The following REX1BD variants were observed in gnomAD, a reference collection of about 807,000 sequenced individuals.
REX1BD encodes required for excision 1-B domain-containing protein.
REX1BD carries 22 observed loss-of-function variants against 24.4 expected under a neutral mutation model. The ratio of observed to expected loss-of-function variants is 0.90; its 90% confidence interval spans 0.64 to 1.29. The LOEUF (loss-of-function observed/expected upper bound fraction) is 1.29, where lower values mean the gene tolerates loss of function less well. Among genes scored for constraint, REX1BD ranks in the 50% most tolerant of loss-of-function variants. REX1BD has a pLI of 0.00. For synonymous variants in REX1BD, 146 were observed against 125.9 expected, an observed-to-expected ratio of 1.16 and a Z score of -1.07; for missense variants, 293 against 285.3, an observed-to-expected ratio of 1.03 and a Z score of -0.19.
At position 18,589,637 on chromosome 19, in the gene REX1BD, G is replaced by A; in HGVS notation, c.407G>A (p.Gly136Asp). Reference sequence around the variant, plus strand: ...CCTCGCAGGCAGCCGCTGCTCGCCGGCCACGTGCGCAGCCTGCAGGAGCTG... The same window carrying A: ...CCTCGCAGGCAGCCGCTGCTCGCCGACCACGTGCGCAGCCTGCAGGAGCTG... ...GGPRRQPLLA[G>D]HVRSLQELEQ... Residue 136 changes from glycine to aspartate, a missense_variant, in exon 3 of 5, where the codon GGC becomes GAC. Coordinates refer to ENST00000358607, the MANE Select transcript of REX1BD (RefSeq NM_001100418.2). 2 of 1,515,292 alleles carry A rather than the reference G, an allele frequency of 1.3e-6. No homozygotes were observed. Among genetic ancestry groups the A allele is most frequent in the East Asian group, 2.5e-5 (1 of 40,612 alleles). The allele number at this position is 1,515,292 out of a possible 1,614,324, so 93.9% of individuals were successfully genotyped here.
In REX1BD at chr19:18,588,962, C is replaced by T. The variant is rs971913582; in HGVS notation, c.100-33C>T. ...GGCGGCGCAGACCCAGGGGCGCGGGCTTCATGCCCCAGCCGTGCCCCCTGT... is the reference window on the plus strand; with the variant it reads ...GGCGGCGCAGACCCAGGGGCGCGGGTTTCATGCCCCAGCCGTGCCCCCTGT... On this transcript the variant is annotated intron_variant, in intron 1 of 4. Transcript: ENST00000358607. 9.8e-6 allele frequency: 15 copies of T among 1,523,828 alleles called. No individual in the cohort carries two copies. In the East Asian group the frequency reaches 3.5e-4, roughly 35 times the overall value. The allele number at this position is 1,523,828 out of a possible 1,614,324, so 94.4% of individuals were successfully genotyped here. A position where few individuals can be genotyped will look rare whatever the true frequency, so the allele number is the denominator to read the frequency against.
At chr19:18,590,621 C>CCCAGGCCACGCCCACATCGCGCT in intron 3 of REX1BD, 1 of 481,120 alleles carries the variant, frequency 2.1e-6, no homozygotes, top group Non-Finnish European at 3.7e-6. Context: ...CACTGTTGTT[C>CCCAGGCCACGCCCACATCGCGCT]CCAGGCCACG....
Position 18,589,424 on chromosome 19 carries a change from C to T in REX1BD, c.194C>T (p.Pro65Leu), listed in dbSNP as rs749700292. Residue 65 changes from proline (P) to leucine (L), a missense_variant, in exon 3 of 5, where the codon CCG (proline) becomes CTG (leucine). Coordinates refer to ENST00000358607, the MANE Select transcript of REX1BD (RefSeq NM_001100418.2). ...TGGGGGCCTTTCAGGTGGTTGGCGCCGGTGCAGGGCCTGAGAGCCTGGGGG... is the reference window on the plus strand; with the variant it reads ...TGGGGGCCTTTCAGGTGGTTGGCGCTGGTGCAGGGCCTGAGAGCCTGGGGG... The part of the protein sequence containing the change: ...GFRRLEEWLA[P>L]VQGLRAWGRG... 1.3e-6 allele frequency: 2 copies of T among 1,559,974 alleles called. No individual in the cohort carries two copies. The highest frequency in any genetic ancestry group is 1.2e-5 in the South Asian group (1 of 84,834).
rs1039565738 is a variant in REX1BD, at chr19:18,590,863, C to T, written c.463C>T (p.Leu155=). 1.2e-6 allele frequency: 2 copies of T among 1,605,812 alleles called. No homozygotes were observed. ...CTCATTCCCCCACCAGGTGGCCCTG[C>T]TGCAGTTGATGGAGACGCCAGAGCT... ...EQTRLGTVAL[L]QLMETPELAG... Residue 155 remains leucine, a synonymous_variant, in exon 4 of 5, where the codon CTG becomes TTG. Transcript: ENST00000358607.
rs1487520881 is a variant in REX1BD at position 18,589,004 on chromosome 19, C to T, written c.109C>T (p.Pro37Ser). ...EEPAWPWKDA[P>S]IRTLVQRIHQ... ...GCCCCCTGTCCCGCAGAAAGACGCCCCGATCCGGACGCTGGTGCAGCGCAT... is the reference window on the plus strand; with the variant it reads ...GCCCCCTGTCCCGCAGAAAGACGCCTCGATCCGGACGCTGGTGCAGCGCAT... Residue 37 changes from proline to serine, a missense_variant, in exon 2 of 5, where the codon CCG becomes TCG. Physicochemically the swap from Pro to Ser is moderately conservative, Grantham distance 74. Coordinates refer to ENST00000358607, the MANE Select transcript of REX1BD (RefSeq NM_001100418.2). The T allele has an allele frequency of 3.3e-6, 5 of 1,527,924 alleles. No homozygotes were observed. Among genetic ancestry groups the T allele is most frequent in the Non-Finnish European group, 4.4e-6 (5 of 1,143,920 alleles). 94.6% of individuals were successfully genotyped at this position (1,527,924 alleles called of 1,614,324 possible). A position where few individuals can be genotyped will look rare whatever the true frequency, so the allele number is the denominator to read the frequency against.
intron 4 of REX1BD, 107 bp downstream of exon 4, chr19:18,591,040 C>T: frequency 3.8e-6 from 4 of 1,060,966 alleles, no homozygotes; most frequent in Non-Finnish European, 5.2e-6. Context: ...CAATGGTGTT[C>T]TCACCTGGTG....
chr19:18,590,959 G>A, intron 4 of REX1BD, 26 bp downstream of exon 4: 3 of 1,503,202 alleles, frequency 2.0e-6, no homozygotes. Flanking sequence ...CAAGCCGCCT[G>A]GCTATGCTCG....
Position 18,592,331 on chromosome 19 carries a change from C to A in REX1BD, c.*151C>A. 1 of 821,154 alleles carries A rather than the reference C, an allele frequency of 1.2e-6. No homozygotes were observed. Among genetic ancestry groups the A allele is most frequent in the Non-Finnish European group, 1.9e-6 (1 of 516,326 alleles). The allele number at this position is 821,154 out of a possible 1,614,324, so 50.9% of individuals were successfully genotyped here. On this transcript the variant is annotated 3_prime_UTR_variant, in exon 5 of 5. Transcript: ENST00000358607. The stretch of plus-strand genomic sequence containing the variant: ...CACCTCCCACAATAAAGAGCTCCTC[C>A]TCTGTAGCCGCTCTGCCATCTCTGT...
intron 3 of REX1BD, 189 bp from the exon 4 acceptor site, chr19:18,590,665 C>G: frequency 1.7e-6 from 1 of 572,714 alleles, no homozygotes; most frequent in Admixed American, 3.2e-5. Flanking sequence ...TCTGGCCTGC[C>G]TGCTGTCTCC....
At position 18,588,877 on chromosome 19, in the gene REX1BD, C is replaced by A. The variant is rs1056260534; in HGVS notation, c.76C>A (p.Arg26Ser). 1.3e-6 allele frequency: 2 copies of A among 1,532,438 alleles called. No homozygotes were observed. Among genetic ancestry groups the A allele is most frequent in the African/African-American group, 2.8e-5 (2 of 72,476 alleles). 94.9% of individuals were successfully genotyped at this position (1,532,438 alleles called of 1,614,324 possible). The change falls in exon 1 of 5, where the codon CGC (arginine) becomes AGC (serine). Residue 26 changes from arginine (R) to serine (S), a missense_variant. Transcript: ENST00000358607. ...TGAGGAGGCCACCGAAGCTCGGGGA[C>A]GCGAGGAGCCGGCGTGGCCCTGGGT... is the stretch of plus-strand genomic sequence containing the variant. ...AAEEATEARGREEPAWPWKDA... is the reference protein window; with the variant it reads ...AAEEATEARGSEEPAWPWKDA...
Position 18,589,005 on chromosome 19 carries a change from C to T in REX1BD, c.110C>T (p.Pro37Leu), listed in dbSNP as rs202026240. The change falls in exon 2 of 5, where the codon CCG becomes CTG. Residue 37 changes from proline (P) to leucine (L), a missense_variant. Coordinates refer to ENST00000358607, the MANE Select transcript of REX1BD (RefSeq NM_001100418.2). ...EEPAWPWKDA[P>L]IRTLVQRIHQ... ...CCCCCTGTCCCGCAGAAAGACGCCC[C>T]GATCCGGACGCTGGTGCAGCGCATC... The T allele has an allele frequency of 4.6e-6, 7 of 1,527,928 alleles. No individual in the cohort carries two copies. The South Asian group carries it at 4.8e-5, about 10-fold the overall frequency. 94.6% of individuals were successfully genotyped at this position (1,527,928 alleles called of 1,614,324 possible). A position where few individuals can be genotyped will look rare whatever the true frequency, so the allele number is the denominator to read the frequency against.
intron 4 of REX1BD, 187 bp from the exon 5 acceptor site, chr19:18,591,921 T>C: frequency 3.2e-6 from 2 of 631,368 alleles, no homozygotes. Flanking sequence ...CAGCCCACTG[T>C]GACCTATGGG....
chr19:18,592,310 TC>T lies in REX1BD; in HGVS notation c.*133del. The stretch of plus-strand genomic sequence containing the variant: ...TGACCTTCCTGCAGTTCCAGACACC[TC>T]CCACAATAAAGAGCTCCTCCTCTGT... On this transcript the variant is annotated 3_prime_UTR_variant, in exon 5 of 5. Coordinates refer to ENST00000358607, the MANE Select transcript of REX1BD (RefSeq NM_001100418.2). The T allele has an allele frequency of 1.1e-6, 1 of 949,570 alleles. No homozygotes were observed. The highest frequency in any genetic ancestry group is 1.6e-6 in the Non-Finnish European group (1 of 612,708). The allele number at this position is 949,570 out of a possible 1,614,324, so 58.8% of individuals were successfully genotyped here. A position where few individuals can be genotyped will look rare whatever the true frequency, so the allele number is the denominator to read the frequency against.
chr19:18,592,212 T>A lies in REX1BD; in HGVS notation c.*32T>A. ...CTCCCCAGGGATGCGCCGAGGGAGA[T>A]GGGAAACGGGGCGGATGGCGCCCAG... On this transcript the variant is annotated 3_prime_UTR_variant, in exon 5 of 5. Transcript: ENST00000358607. The A allele has an allele frequency of 6.2e-7, 1 of 1,613,470 alleles. No individual in the cohort carries two copies. The highest frequency in any genetic ancestry group is 8.5e-7 in the Non-Finnish European group (1 of 1,179,686).
rs1167977997 is a variant in REX1BD at position 18,589,546 on chromosome 19, G to T, written c.316G>T (p.Gly106Trp). The part of the protein sequence containing the change: ...DFARYRSTVH[G>W]VTQAFAAASR... ...CGCGCGCTACCGGAGCACAGTGCAC[G>T]GGGTGACCCAGGCCTTCGCCGCCGC... Residue 106 changes from glycine to tryptophan, a missense_variant, in exon 3 of 5, where the codon GGG becomes TGG. Gly to Trp is a radical substitution (Grantham distance 184). Coordinates refer to ENST00000358607, the MANE Select transcript of REX1BD (RefSeq NM_001100418.2). The T allele has an allele frequency of 1.9e-6, 3 of 1,577,170 alleles. No homozygotes were observed. The highest frequency in any genetic ancestry group is 4.6e-5 in the East Asian group (2 of 43,126).
At chr19:18,589,112 C>A (rs541067224) in intron 2 of REX1BD, 35 bp downstream of exon 2, 1 of 1,469,214 alleles carries the variant, frequency 6.8e-7, no homozygotes, top group African/African-American at 1.4e-5. Flanking sequence ...AGGGTTCGGT[C>A]CCCCGCCCGC....
intron 4 of REX1BD, 175 bp downstream of exon 4, chr19:18,591,108 C>A (rs886397632): frequency 2.1e-5 from 12 of 582,270 alleles, no homozygotes; most frequent in Non-Finnish European, 3.2e-5. Context: ...ATCAGTTTCG[C>A]TGTGCATTGC....
At chr19:18,589,186 C>T in intron 2 of REX1BD, 109 bp downstream of exon 2, 2 of 1,489,428 alleles carry the variant, frequency 1.3e-6, no homozygotes, top group Non-Finnish European at 1.8e-6. Context: ...TGTGTGGCTG[C>T]AGAGTCAGAT....
chr19:18,589,020 T>C lies in REX1BD; in HGVS notation c.125T>C (p.Val42Ala). The C allele has an allele frequency of 6.5e-7, 1 of 1,527,790 alleles. No individual in the cohort carries two copies. The highest frequency in any genetic ancestry group is 8.7e-7 in the Non-Finnish European group (1 of 1,143,868). 94.6% of individuals were successfully genotyped at this position (1,527,790 alleles called of 1,614,324 possible). The change falls in exon 2 of 5, where the codon GTG becomes GCG. Residue 42 changes from valine to alanine, a missense_variant. Val to Ala is a moderately conservative substitution (Grantham distance 64). Coordinates refer to ENST00000358607, the MANE Select transcript of REX1BD (RefSeq NM_001100418.2). ...PWKDAPIRTLVQRIHQLQAER... is the reference protein window; with the variant it reads ...PWKDAPIRTLAQRIHQLQAER... ...AAAGACGCCCCGATCCGGACGCTGG[T>C]GCAGCGCATCCACCAGCTGCAGGCT... is the stretch of plus-strand genomic sequence containing the variant.
Sources: allele counts gnomAD v4.1 joint callset, GRCh38; gene constraint gnomAD v4.1.1; transcripts MANE v1.5; gene names NCBI Gene and HGNC (gene_info 2026-07-23, HGNC 2026-07-21).